The following ADSS2 variants were observed in gnomAD, a reference collection of about 807,000 sequenced individuals.
The protein encoded by ADSS2 is adenylosuccinate synthase 2, also known as adenylosuccinate synthetase isozyme 2.
A neutral mutation model predicts 60.0 loss-of-function variants in ADSS2; 30 were observed. That is an observed-to-expected ratio of 0.50 (90% CI 0.37 to 0.68). The LOEUF (loss-of-function observed/expected upper bound fraction) is 0.68. Among genes scored for constraint, ADSS2 ranks in the 30% least tolerant of loss-of-function variants. The pLI, the probability that ADSS2 is intolerant of heterozygous loss-of-function variation, is 0.00. For synonymous variants in ADSS2, 187 were observed against 193.1 expected (o/e 0.97, Z 0.26); for missense variants, 373 against 554.8 (o/e 0.67, Z 3.29).
At chr1:244,437,362 T>C (rs1417949529) in intron 2 of ADSS2, among the ~76,000 whole-genome samples, 1 of 152,140 alleles carries the variant, frequency 6.6e-6, no homozygotes, top group Non-Finnish European at 1.5e-5. Flanking sequence ...GTTGAAAGTA[T>C]TTGTGGAAAA....
chr1:244,441,025 A>T (rs1665227245), intron 1 of ADSS2, among the ~76,000 whole-genome samples: 1 of 151,690 alleles, frequency 6.6e-6, no homozygotes, highest in Admixed American at 6.6e-5. Context: ...GACATATATT[A>T]TACACCAAAA....
At chr1:244,422,219 GAGA>G (rs1664694051) in intron 7 of ADSS2, among the ~76,000 whole-genome samples, 3 of 152,166 alleles carry the variant, frequency 2.0e-5, no homozygotes. Context: ...ATCTATAGAT[GAGA>G]AGAAGTAATA....
At chr1:244,419,567 CAAAAGCCAATGAAATGTCAGT>C (rs899278935) in intron 8 of ADSS2, among the ~76,000 whole-genome samples, 43 of 152,168 alleles carry the variant, frequency 2.8e-4, no homozygotes, top group African/African-American at 9.2e-4. Flanking sequence ...TACTTGGAGT[CAAAAGCCAATGAAATGTCAGT>C]AAAAGCCAAT....
chr1:244,419,149 T>C (rs1180329862), intron 8 of ADSS2: 1 of 378,976 alleles, frequency 2.6e-6, no homozygotes, highest in Non-Finnish European at 4.7e-6. Context: ...CTTGAATGCA[T>C]GTACAGTTAC....
chr1:244,410,514 A>ATT (rs5782297), intron 12 of ADSS2, among the ~76,000 whole-genome samples: 1 of 151,956 alleles, frequency 6.6e-6, no homozygotes, highest in Non-Finnish European at 1.5e-5. Flanking sequence ...TTTTTCTTAC[A>ATT]TTTTTTTCTA....
intron 1 of ADSS2, among the ~76,000 whole-genome samples, chr1:244,447,669 G>T (rs952285288): frequency 1.3e-5 from 2 of 152,032 alleles, no homozygotes; most frequent in African/African-American, 4.8e-5. Context: ...TATAAACAAA[G>T]ACTTTGAATG....
At chr1:244,417,046 C>T (rs3123697) in intron 10 of ADSS2, among the ~76,000 whole-genome samples, 129,669 of 152,254 alleles carry the variant, frequency 0.85, 55,346 homozygotes, top group African/African-American at 0.89. Flanking sequence ...TTCATGTATA[C>T]GTATTAATAA....
At chr1:244,409,693 C>T (rs1572125439) in intron 12 of ADSS2, 55 bp from the exon 13 acceptor site, 6 of 1,411,782 alleles carry the variant, frequency 4.2e-6, no homozygotes, top group African/African-American at 1.4e-5. Flanking sequence ...AATGTTCACT[C>T]GTTGGGATTA....
rs1664466398 is a variant in ADSS2 at position 244,413,651 on chromosome 1, A to G, written c.1169-2215T>C. ...GGAGCTGTAGAGAGAAGGGCCCCCCAGAAGTCCATGTGAGAGTCCCAAGGC... is the reference window on the plus strand; with the variant it reads ...GGAGCTGTAGAGAGAAGGGCCCCCCGGAAGTCCATGTGAGAGTCCCAAGGC... On this transcript the variant is annotated intron_variant, in intron 11 of 12. Coordinates refer to ENST00000366535, the MANE Select transcript of ADSS2 (RefSeq NM_001126.5). 1.3e-5 allele frequency among the ~76,000 whole-genome samples: 2 copies of G among 152,198 alleles called. 1 individual carries two copies. Among genetic ancestry groups the G allele is most frequent in the South Asian group, 4.1e-4 (2 of 4,830 alleles).
chr1:244,409,767 T>C (rs1466321213), intron 12 of ADSS2, 129 bp from the exon 13 acceptor site: 2 of 695,634 alleles, frequency 2.9e-6, no homozygotes, highest in East Asian at 5.2e-5. Context: ...CTTTTTGCTG[T>C]TCTCTATTCT....
At chr1:244,435,386 T>C (rs147651858) in intron 3 of ADSS2, among the ~76,000 whole-genome samples, 1 of 152,092 alleles carries the variant, frequency 6.6e-6, no homozygotes, top group East Asian at 1.9e-4. Context: ...AATAATGAGA[T>C]CTCTGGGGGG....
intron 4 of ADSS2, among the ~76,000 whole-genome samples, chr1:244,432,170 T>C (rs1664960425): frequency 6.6e-6 from 1 of 152,220 alleles, no homozygotes; most frequent in Admixed American, 6.5e-5. Flanking sequence ...CAATAACTAC[T>C]ACATTTTAGG....
In ADSS2 at chr1:244,409,648, T is replaced by C. The variant is rs1664366784; in HGVS notation, c.1319-10A>G. The C allele has an allele frequency of 6.3e-7, 1 of 1,596,282 alleles. No homozygotes were observed. The highest frequency in any genetic ancestry group is 1.3e-5 in the African/African-American group (1 of 74,456). Reference sequence around the variant, plus strand: ...ACACCAATCCACTTAACTAGGAGAATACAAAGAGAAAAGGAATTGAATCAA... The same window carrying C: ...ACACCAATCCACTTAACTAGGAGAACACAAAGAGAAAAGGAATTGAATCAA... On this transcript the variant is annotated splice_polypyrimidine_tract_variant and intron_variant, in intron 12 of 12. Coordinates refer to ENST00000366535, the MANE Select transcript of ADSS2 (RefSeq NM_001126.5).
intron 3 of ADSS2, among the ~76,000 whole-genome samples, chr1:244,433,119 C>T (rs1379635427): frequency 6.6e-6 from 1 of 151,906 alleles, no homozygotes; most frequent in Non-Finnish European, 1.5e-5. Flanking sequence ...GCATCTAATC[C>T]CAGCTACTCG....
intron 10 of ADSS2, among the ~76,000 whole-genome samples, chr1:244,416,861 T>C (rs1572130095): frequency 6.6e-6 from 1 of 152,184 alleles, no homozygotes; most frequent in South Asian, 2.1e-4. Context: ...GACCTCTTCA[T>C]GATACATCAA....
chr1:244,423,415 C>T (rs1664719792), intron 6 of ADSS2, among the ~76,000 whole-genome samples: 1 of 152,200 alleles, frequency 6.6e-6, no homozygotes, highest in Admixed American at 6.5e-5. Flanking sequence ...TTATACACAA[C>T]CAACTCCCTA....
chr1:244,442,270 A>C (rs1226175829), intron 1 of ADSS2, among the ~76,000 whole-genome samples: 2 of 146,286 alleles, frequency 1.4e-5, no homozygotes, highest in Non-Finnish European at 3.0e-5. Flanking sequence ...CACACACACA[A>C]ATTTTTTAGG....
rs978261256 is a variant in ADSS2, at chr1:244,422,707, A to G, written c.663+128T>C. 2.4e-5 allele frequency: 16 copies of G among 671,922 alleles called. No homozygotes were observed. In the Middle Eastern group the frequency reaches 8.0e-4, roughly 34 times the overall value. 41.6% of individuals were successfully genotyped at this position (671,922 alleles called of 1,614,324 possible). A position where few individuals can be genotyped will look rare whatever the true frequency, so the allele number is the denominator to read the frequency against. On this transcript the variant is annotated intron_variant, in intron 7 of 12. Transcript: ENST00000366535. ...CCATATCATGTAAAGTCACTCAAAC[A>G]TACCATGTCCAAGACAAACAATTTC...
intron 11 of ADSS2, 142 bp downstream of exon 11, chr1:244,415,839 A>G (rs1223651144): frequency 3.2e-6 from 2 of 615,832 alleles, no homozygotes; most frequent in East Asian, 5.7e-5. Flanking sequence ...ATAACTAATA[A>G]TAAGTGAGCA....
Sources: allele counts gnomAD v4.1 joint callset (sites outside exome capture counted in the v4.1 genomes callset), GRCh38; gene constraint gnomAD v4.1.1; transcripts MANE v1.5; gene names NCBI Gene and HGNC (gene_info 2026-07-23, HGNC 2026-07-21).